Variants in ADAMTS19 observed in about 807,000 individuals in gnomAD.
ADAMTS19 encodes ADAM metallopeptidase with thrombospondin type 1 motif 19, also known as A disintegrin and metalloproteinase with thrombospondin motifs 19.
ADAMTS19 carries 93 observed loss-of-function variants against 153.3 expected under a neutral mutation model. The ratio of observed to expected loss-of-function variants is 0.61; its 90% CI spans 0.51 to 0.72. ADAMTS19 has a LOEUF of 0.72. Ranked by LOEUF, ADAMTS19 falls within the 30% of genes least tolerant of loss-of-function variation. The pLI is 0.00. For synonymous variants in ADAMTS19, 600 were observed against 556.6 expected, an observed-to-expected ratio of 1.08 and a Z score of -1.10; for missense variants, 1,482 against 1,552.1, an observed-to-expected ratio of 0.95 and a Z score of 0.76.
chr5:129,496,285 A>G (rs569940325), intron 2 of ADAMTS19, among the ~76,000 whole-genome samples: 1 of 152,088 alleles, frequency 6.6e-6, no homozygotes, highest in Non-Finnish European at 1.5e-5. Context: ...AAATTTCTTA[A>G]TTACTGTAAA....
intron 6 of ADAMTS19, among the ~76,000 whole-genome samples, chr5:129,529,989 T>G (rs768768610): frequency 2.6e-5 from 4 of 152,100 alleles, no homozygotes; most frequent in Non-Finnish European, 5.9e-5. Flanking sequence ...TTACAGAGGC[T>G]TGGGTATCAT....
intron 2 of ADAMTS19, among the ~76,000 whole-genome samples, chr5:129,462,490 T>G (rs1349433715): frequency 6.6e-6 from 1 of 152,254 alleles, no homozygotes; most frequent in Admixed American, 6.5e-5. Flanking sequence ...TTAAAAGGCC[T>G]GTTGGGATGG....
Position 129,618,971 on chromosome 5 carries a change from C to A in ADAMTS19, c.1479-1647C>A, listed in dbSNP as rs116103707. ...AGTCTCAAGAATTTGGAGAGTGAACCAAAAGTAAAAATTTATAATGCAGTA... is the reference window on the plus strand; with the variant it reads ...AGTCTCAAGAATTTGGAGAGTGAACAAAAAGTAAAAATTTATAATGCAGTA... On this transcript the variant is annotated intron_variant, in intron 8 of 22. Coordinates refer to ENST00000274487, the MANE Select transcript of ADAMTS19 (RefSeq NM_133638.6). Among the ~76,000 whole-genome samples the A allele has an allele frequency of 6.4e-3, 974 of 151,924 alleles. 8 individuals are homozygous for A. Among genetic ancestry groups the A allele is most frequent in the African/African-American group, 0.022 (931 of 41,464 alleles).
intron 16 of ADAMTS19, among the ~76,000 whole-genome samples, chr5:129,674,673 A>G (rs972091108): frequency 1.3e-5 from 2 of 151,954 alleles, no homozygotes; most frequent in Non-Finnish European, 2.9e-5. Flanking sequence ...TTAAAACAGT[A>G]TACTCCTCTT....
rs1471043144 is a variant in ADAMTS19 at position 129,648,888 on chromosome 5, C to G, written c.2094C>G (p.Phe698Leu). 6.2e-7 allele frequency: 1 copy of G among 1,613,812 alleles called. No homozygotes were observed. Among genetic ancestry groups the G allele is most frequent in the East Asian group, 2.2e-5 (1 of 44,856 alleles). Residue 698 changes from phenylalanine to leucine, a missense_variant, in exon 13 of 23, where the codon TTC becomes TTG. Phe to Leu is a conservative substitution (Grantham distance 22). This residue lies in a region of ADAMTS19 where 616 missense variants were observed against 724.4 expected (regional missense o/e 0.85). Coordinates refer to ENST00000274487, the MANE Select transcript of ADAMTS19 (RefSeq NM_133638.6). Reference protein sequence around the residue: ...NPPCPAGLPGFRDWQCQAYSV... With the variant: ...NPPCPAGLPGLRDWQCQAYSV... ...CTTGTCCTGCAGGTTTGCCTGGATT[C>G]AGAGACTGGCAATGTCAGGCTTATA...
intron 3 of ADAMTS19, among the ~76,000 whole-genome samples, chr5:129,512,864 C>T (rs907287025): frequency 7.2e-5 from 11 of 152,110 alleles, no homozygotes; most frequent in African/African-American, 2.6e-4. Flanking sequence ...ATGTCTTCTT[C>T]CATCTGTTTA....
intron 21 of ADAMTS19, among the ~76,000 whole-genome samples, chr5:129,725,730 A>G (rs1293707601): frequency 1.3e-5 from 2 of 151,962 alleles, no homozygotes; most frequent in Admixed American, 1.3e-4. Context: ...TGCCCTGGTC[A>G]TGTCTGCCTG....
intron 6 of ADAMTS19, among the ~76,000 whole-genome samples, chr5:129,547,235 TAGA>T (rs1410416834): frequency 6.7e-6 from 1 of 150,154 alleles, no homozygotes; most frequent in Non-Finnish European, 1.5e-5. Context: ...ACCTTGAAAA[TAGA>T]AGGAGGCCCT....
chr5:129,690,429 C>T (rs1755281423), intron 18 of ADAMTS19, among the ~76,000 whole-genome samples: 1 of 152,120 alleles, frequency 6.6e-6, no homozygotes, highest in African/African-American at 2.4e-5. Flanking sequence ...TTAAATTTAA[C>T]TTGACAGCTA....
At chr5:129,722,786 G>A (rs963332112) in intron 21 of ADAMTS19, among the ~76,000 whole-genome samples, 4 of 152,036 alleles carry the variant, frequency 2.6e-5, no homozygotes, top group African/African-American at 7.2e-5. Context: ...AAATTTCCAT[G>A]TTCACTTTTC....
At chr5:129,664,776 A>G (rs776024419) in intron 15 of ADAMTS19, among the ~76,000 whole-genome samples, 9 of 152,142 alleles carry the variant, frequency 5.9e-5, no homozygotes, top group East Asian at 1.9e-4. Flanking sequence ...ACTATTCTGC[A>G]CTAAGTGAAA....
chr5:129,614,413 A>G (rs1270487455), intron 8 of ADAMTS19, among the ~76,000 whole-genome samples: 4 of 152,190 alleles, frequency 2.6e-5, no homozygotes, highest in Non-Finnish European at 5.9e-5. Context: ...TCCAGCATAT[A>G]AACAGAACCA....
At chr5:129,473,989 A>T (rs573957806) in intron 2 of ADAMTS19, among the ~76,000 whole-genome samples, 13 of 152,268 alleles carry the variant, frequency 8.5e-5, no homozygotes, top group Admixed American at 7.8e-4. Context: ...CATTTACAGA[A>T]TTGTGCAACC....
chr5:129,549,985 T>C (rs1322503945), intron 6 of ADAMTS19, among the ~76,000 whole-genome samples: 2 of 138,640 alleles, frequency 1.4e-5, no homozygotes, highest in African/African-American at 5.4e-5. Context: ...TATACATGTA[T>C]CTGTATATGT....
intron 21 of ADAMTS19, among the ~76,000 whole-genome samples, chr5:129,708,590 C>CAAAAAAAAAAAAAAAAAA (rs1174701520): frequency 1.6e-5 from 1 of 61,822 alleles, no homozygotes; most frequent in Non-Finnish European, 2.9e-5. Context: ...AGCAGAGAAG[C>CAAAAAAAAAAAAAAAAAA]AAAAAAAAAA....
At chr5:129,618,695 A>G (rs1751641546) in intron 8 of ADAMTS19, among the ~76,000 whole-genome samples, 1 of 152,128 alleles carries the variant, frequency 6.6e-6, no homozygotes, top group Non-Finnish European at 1.5e-5. Context: ...CACAATATAG[A>G]TATTCTTGTG....
intron 8 of ADAMTS19, among the ~76,000 whole-genome samples, chr5:129,602,308 C>T (rs963367246): frequency 2.0e-5 from 3 of 152,190 alleles, no homozygotes; most frequent in South Asian, 2.1e-4. Flanking sequence ...TCGGGCTGGT[C>T]GTGAACTCCC....
intron 6 of ADAMTS19, among the ~76,000 whole-genome samples, chr5:129,540,709 C>T (rs1752626799): frequency 6.6e-6 from 1 of 151,982 alleles, no homozygotes; most frequent in South Asian, 2.1e-4. Flanking sequence ...GGTATATCCC[C>T]AGGCACTATT....
intron 7 of ADAMTS19, among the ~76,000 whole-genome samples, chr5:129,570,168 T>G (rs1233901758): frequency 6.6e-6 from 1 of 151,880 alleles, no homozygotes; most frequent in Non-Finnish European, 1.5e-5. Context: ...TGAGTAAAAT[T>G]TCAAACCTCT....
Sources: gnomAD v4.1 joint callset for allele counts (sites outside exome capture counted in the v4.1 genomes callset) on GRCh38, gnomAD v4.1.1 for gene constraint, gnomAD v4.1.1 regional missense constraint, MANE v1.5 for transcripts, NCBI Gene and HGNC (gene_info 2026-07-23, HGNC 2026-07-21) for gene names.